Variants in NCKAP1 observed in about 807,000 individuals in gnomAD.
The protein encoded by NCKAP1 is nck-associated protein 1.
A neutral mutation model predicts 151.2 loss-of-function variants in NCKAP1; 21 were observed. That is an observed-to-expected ratio of 0.14 (90% confidence interval 0.10 to 0.20). The LOEUF (loss-of-function observed/expected upper bound fraction) is 0.20. Among genes scored for constraint, NCKAP1 ranks in the 10% least tolerant of loss-of-function variants. NCKAP1 has a pLI of 1.00. For synonymous variants in NCKAP1, 484 were observed against 451.8 expected, an observed-to-expected ratio of 1.07 and a Z score of -0.90; for missense variants, 933 against 1,352.1, an observed-to-expected ratio of 0.69 and a Z score of 4.86.
chr2:182,928,994 G>T (rs1696704780), intron 27 of NCKAP1, 95 bp from the exon 28 acceptor site: 96 of 763,674 alleles, frequency 1.3e-4, no homozygotes, highest in South Asian at 7.0e-4. Flanking sequence ...TTTTAAAAAT[G>T]GTTTACTTTT....
intron 15 of NCKAP1, among the ~76,000 whole-genome samples, chr2:182,976,632 A>C (rs1301306404): frequency 6.6e-6 from 1 of 152,192 alleles, no homozygotes; most frequent in Non-Finnish European, 1.5e-5. Flanking sequence ...TATTTGAATC[A>C]GGATAATCAA....
chr2:182,952,337 G>T, intron 23 of NCKAP1, 68 bp downstream of exon 23: 1 of 992,408 alleles, frequency 1.0e-6, no homozygotes, highest in Non-Finnish European at 1.5e-6. Flanking sequence ...TAGGCTTGTT[G>T]CTCATATCCC....
rs957857849 is a variant in NCKAP1, at chr2:182,922,346, T to A, written c.*3356A>T. ...GTGAATTCATGTTCATTTCCTTTATTAACCAGCCTACATTAGATTTAATTT... is the reference window on the plus strand; with the variant it reads ...GTGAATTCATGTTCATTTCCTTTATAAACCAGCCTACATTAGATTTAATTT... On this transcript the variant is annotated 3_prime_UTR_variant, in exon 31 of 31. Transcript: ENST00000361354. 1.3e-5 allele frequency: 2 copies of A among 152,216 alleles called. No homozygotes were observed. The highest frequency in any genetic ancestry group is 2.9e-5 in the Non-Finnish European group (2 of 68,038). The allele number at this position is 152,216 out of a possible 1,614,324, so 9.4% of individuals were successfully genotyped here. A position where few individuals can be genotyped will look rare whatever the true frequency, so the allele number is the denominator to read the frequency against.
chr2:183,008,605 G>A (rs1177020370), intron 2 of NCKAP1, among the ~76,000 whole-genome samples: 1 of 152,090 alleles, frequency 6.6e-6, no homozygotes, highest in Non-Finnish European at 1.5e-5. Context: ...TCTTTCTCAT[G>A]TCTGGGGTGC....
At chr2:182,959,402 C>T (rs749701028) in intron 18 of NCKAP1, among the ~76,000 whole-genome samples, 4 of 152,160 alleles carry the variant, frequency 2.6e-5, no homozygotes, top group Non-Finnish European at 5.9e-5. Context: ...ACAAGCCGGG[C>T]TTCATCCCTG....
rs569310103 is a variant in NCKAP1, at chr2:182,911,155, A to G, written c.*14547T>C. 1 of 152,358 alleles carries G rather than the reference A, an allele frequency of 6.6e-6. No homozygotes were observed. The highest frequency in any genetic ancestry group is 2.4e-5 in the African/African-American group (1 of 41,538). 9.4% of individuals were successfully genotyped at this position (152,358 alleles called of 1,614,324 possible). ...AAAGACCTGTTGCACCTCTGATTAC[A>G]ACCAACCTCATGACTACCCCTCCCT... is the stretch of plus-strand genomic sequence containing the variant. On this transcript the variant is annotated 3_prime_UTR_variant, in exon 31 of 31. Transcript: ENST00000361354.
intron 2 of NCKAP1, among the ~76,000 whole-genome samples, chr2:183,013,922 G>A (rs531069091): frequency 4.6e-5 from 7 of 152,182 alleles, no homozygotes; most frequent in African/African-American, 1.7e-4. Context: ...TCCTCCCCTA[G>A]CTAAACTCAC....
intron 16 of NCKAP1, among the ~76,000 whole-genome samples, chr2:182,966,790 A>C (rs1341927453): frequency 6.6e-6 from 1 of 152,226 alleles, no homozygotes; most frequent in African/African-American, 2.4e-5. Flanking sequence ...TGCAGGAGGT[A>C]GTCACCACAT....
chr2:182,925,760 A>G lies in NCKAP1; in HGVS notation c.3329T>C (p.Val1110Ala), dbSNP rs766101099. 6.3e-7 allele frequency: 1 copy of G among 1,592,780 alleles called. No homozygotes were observed. Among genetic ancestry groups the G allele is most frequent in the East Asian group, 2.3e-5 (1 of 43,256 alleles). The stretch of plus-strand genomic sequence containing the variant: ...AGCATGGTATGCATTTCTCAGCAAG[A>G]CATAAGGAAAACAAGATTCCAAAAG... Reference protein sequence around the residue: ...MDLLESCFPYVLLRNAYHAVY... With the variant: ...MDLLESCFPYALLRNAYHAVY... Residue 1110 changes from valine (V) to alanine (A), a missense_variant, in exon 31 of 31, where the codon GTC becomes GCC. Coordinates refer to ENST00000361354, the MANE Select transcript of NCKAP1 (RefSeq NM_013436.5).
intron 1 of NCKAP1, among the ~76,000 whole-genome samples, chr2:183,035,309 T>C (rs1208698035): frequency 6.6e-6 from 1 of 151,964 alleles, no homozygotes; most frequent in Non-Finnish European, 1.5e-5. Flanking sequence ...TCTTCAGTAA[T>C]CATGCTCCAA....
intron 24 of NCKAP1, among the ~76,000 whole-genome samples, chr2:182,936,574 T>C (rs1019442140): frequency 2.6e-5 from 4 of 152,204 alleles, no homozygotes; most frequent in East Asian, 1.9e-4. Context: ...TTAAAGTTAC[T>C]AGTTGAGGAG....
intron 15 of NCKAP1, among the ~76,000 whole-genome samples, chr2:182,976,235 T>C (rs1697820363): frequency 1.3e-5 from 2 of 152,212 alleles, no homozygotes; most frequent in Non-Finnish European, 2.9e-5. Context: ...TACACCAAGG[T>C]GTTAGGCTTG....
At chr2:182,971,737 A>C (rs1310223554) in intron 15 of NCKAP1, among the ~76,000 whole-genome samples, 1 of 152,280 alleles carries the variant, frequency 6.6e-6, no homozygotes, top group South Asian at 2.1e-4. Flanking sequence ...GAAACGGAAC[A>C]CAGAACCCAG....
In NCKAP1 at chr2:182,922,011, AT is replaced by A. The variant is rs2105791828; in HGVS notation, c.*3690del. On this transcript the variant is annotated 3_prime_UTR_variant, in exon 31 of 31. Transcript: ENST00000361354. Reference sequence around the variant, plus strand: ...TGGCAAATCTTCGGAGAAAGAGAGCATTTTGTCTATTTGAAAATTCAGGCTC... The same window carrying A: ...TGGCAAATCTTCGGAGAAAGAGAGCATTTGTCTATTTGAAAATTCAGGCTC... 1 of 152,332 alleles carries A rather than the reference AT, an allele frequency of 6.6e-6. No individual in the cohort carries two copies. Among genetic ancestry groups the A allele is most frequent in the Admixed American group, 6.5e-5 (1 of 15,302 alleles). The allele number at this position is 152,332 out of a possible 1,614,324, so 9.4% of individuals were successfully genotyped here. A position where few individuals can be genotyped will look rare whatever the true frequency, so the allele number is the denominator to read the frequency against.
At position 182,942,042 on chromosome 2, in the gene NCKAP1, T is replaced by C. The variant is rs752015010; in HGVS notation, c.2695+28A>G. On this transcript the variant is annotated intron_variant, in intron 24 of 30. Coordinates refer to ENST00000361354, the MANE Select transcript of NCKAP1 (RefSeq NM_013436.5). ...TACTGAGTATCAAGATCTTCTTATG[T>C]TTATAAAAAGTATCATGAGTTACCC... 31 of 1,553,826 alleles carry C rather than the reference T, an allele frequency of 2.0e-5. No homozygotes were observed. The South Asian group carries it at 3.6e-4, about 18-fold the overall frequency.
Position 183,002,937 on chromosome 2 carries a change from CAG to C in NCKAP1, c.369+35_369+36del, listed in dbSNP as rs752005600. 160 of 1,534,930 alleles carry C rather than the reference CAG, an allele frequency of 1.0e-4. 1 individual carries two copies. Among genetic ancestry groups the C allele is most frequent in the Admixed American group, 8.8e-4 (51 of 57,890 alleles). ...GTGGTCCCCTGAGCTCTTCTGGAAA[CAG>C]AATAATTGGACATTTTTCTGAAAAT... is the stretch of plus-strand genomic sequence containing the variant. On this transcript the variant is annotated intron_variant, in intron 4 of 30. Transcript: ENST00000361354.
At chr2:182,959,767 G>A (rs866954640) in intron 18 of NCKAP1, among the ~76,000 whole-genome samples, 2 of 152,132 alleles carry the variant, frequency 1.3e-5, no homozygotes, top group Admixed American at 6.6e-5. Flanking sequence ...GAAATAAAGC[G>A]CATTCAATTA....
chr2:182,944,889 G>T (rs1288489999), intron 23 of NCKAP1, among the ~76,000 whole-genome samples: 6 of 152,118 alleles, frequency 3.9e-5, no homozygotes, highest in Admixed American at 2.0e-4. Flanking sequence ...ATCACCTGAA[G>T]CCAAGAGTTT....
Position 182,947,792 on chromosome 2 carries a change from T to G in NCKAP1, c.2601+4613A>C, listed in dbSNP as rs560964166. Among the ~76,000 whole-genome samples, 1,028 of 152,310 alleles carry G rather than the reference T, an allele frequency of 6.7e-3. 13 individuals carry two copies. The highest frequency in any genetic ancestry group is 0.024 in the African/African-American group (985 of 41,574). On this transcript the variant is annotated intron_variant, in intron 23 of 30. Transcript: ENST00000361354. ...CACTGACAGAATAACTTTTAGAGAT[T>G]TATTTCAATGAGACAGACTAGTATA...
Sources: gnomAD v4.1 joint callset for allele counts (sites outside exome capture counted in the v4.1 genomes callset) on GRCh38, gnomAD v4.1.1 for gene constraint, MANE v1.5 for transcripts, NCBI Gene and HGNC (gene_info 2026-07-23, HGNC 2026-07-21) for gene names.